The following RIMKLB variants were observed in gnomAD, a reference collection of about 807,000 sequenced individuals.
RIMKLB encodes beta-citrylglutamate synthase B.
In RIMKLB, 7 loss-of-function variants were observed where a neutral mutation model predicts 32.0. That is an observed-to-expected ratio of 0.22 (90% CI 0.12 to 0.41). The LOEUF (loss-of-function observed/expected upper bound fraction) is 0.41, where lower values mean the gene tolerates loss of function less well. Among genes scored for constraint, RIMKLB ranks in the 10% least tolerant of loss-of-function variants. The probability of loss-of-function intolerance (pLI) is 1.00; values close to 1 mark genes in which losing one functional copy is unlikely to be tolerated. For missense variants in RIMKLB, 289 were observed against 498.7 expected, an observed-to-expected ratio of 0.58 and a Z score of 4.00; for synonymous variants, 172 against 185.1, an observed-to-expected ratio of 0.93 and a Z score of 0.57.
intron 2 of RIMKLB, among the ~76,000 whole-genome samples, chr12:8,729,265 A>G (rs1305830497): frequency 6.6e-6 from 1 of 151,966 alleles, no homozygotes; most frequent in Non-Finnish European, 1.5e-5. Context: ...ATCAGGTCGC[A>G]TAAGTGAATT....
At chr12:8,739,294 G>C (rs1339473585) in intron 2 of RIMKLB, among the ~76,000 whole-genome samples, 2 of 152,122 alleles carry the variant, frequency 1.3e-5, no homozygotes, top group Admixed American at 6.5e-5. Context: ...AGAAGAGAGA[G>C]AGCACGTGCA....
intron 2 of RIMKLB, 22 bp from the exon 3 acceptor site, chr12:8,749,840 G>T (rs747519560): frequency 6.7e-7 from 1 of 1,484,038 alleles, no homozygotes; most frequent in South Asian, 1.2e-5. Flanking sequence ...AATTGTGTTG[G>T]TCTTGTATTT....
intron 1 of RIMKLB, among the ~76,000 whole-genome samples, chr12:8,708,450 A>C (rs1407172892): frequency 6.6e-6 from 1 of 152,162 alleles, no homozygotes; most frequent in Non-Finnish European, 1.5e-5. Context: ...TCTGTACAGA[A>C]TAGGTTGACA....
chr12:8,716,557 AT>A (rs773708083), intron 2 of RIMKLB, among the ~76,000 whole-genome samples: 6,512 of 95,864 alleles, frequency 0.068, 481 homozygotes, highest in African/African-American at 0.21. Context: ...TCATGGCTTC[AT>A]TTTTTTTTTT....
chr12:8,758,121 C>T (rs1949215435), intron 5 of RIMKLB, among the ~76,000 whole-genome samples: 1 of 152,064 alleles, frequency 6.6e-6, no homozygotes, highest in Admixed American at 6.6e-5. Context: ...TTTAATTTAT[C>T]TCTCACTGTT....
chr12:8,774,680 A>G lies in RIMKLB; in HGVS notation c.*896A>G. The G allele has an allele frequency of 1.0e-6, 1 of 985,406 alleles. No individual in the cohort carries two copies. The highest frequency in any genetic ancestry group is 5.2e-4 in the Middle Eastern group (1 of 1,914). The allele number at this position is 985,406 out of a possible 1,614,324, so 61.0% of individuals were successfully genotyped here. Reference sequence around the variant, plus strand: ...ATGCTACCTTTTTTGTTAACAAGACACTGACTTGAAACATGTACATTTAAA... The same window carrying G: ...ATGCTACCTTTTTTGTTAACAAGACGCTGACTTGAAACATGTACATTTAAA... On this transcript the variant is annotated 3_prime_UTR_variant, in exon 6 of 6. Coordinates refer to ENST00000535829, the MANE Select transcript of RIMKLB (RefSeq NM_001297776.2).
At position 8,775,348 on chromosome 12, in the gene RIMKLB, A is replaced by G; in HGVS notation, c.*1564A>G. On this transcript the variant is annotated 3_prime_UTR_variant, in exon 6 of 6. Coordinates refer to ENST00000535829, the MANE Select transcript of RIMKLB (RefSeq NM_001297776.2). Reference sequence around the variant, plus strand: ...ACTTGCAGAATTTATAAAAGCCCCCAAACTGCATATAATATGAGCCTTTAA... The same window carrying G: ...ACTTGCAGAATTTATAAAAGCCCCCGAACTGCATATAATATGAGCCTTTAA... 1 of 985,430 alleles carries G rather than the reference A, an allele frequency of 1.0e-6. No homozygotes were observed. The highest frequency in any genetic ancestry group is 1.2e-6 in the Non-Finnish European group (1 of 829,868). 61.0% of individuals were successfully genotyped at this position (985,430 alleles called of 1,614,324 possible). A position where few individuals can be genotyped will look rare whatever the true frequency, so the allele number is the denominator to read the frequency against.
At chr12:8,780,715 G>A (rs1950978112), downstream of RIMKLB, 1 of 152,152 alleles carries the variant, frequency 6.6e-6, no homozygotes, top group Admixed American at 6.5e-5. Flanking sequence ...ACAGGACTAA[G>A]ATTCCTGCAT....
chr12:8,732,714 C>G (rs1023375471), intron 2 of RIMKLB, among the ~76,000 whole-genome samples: 1 of 151,510 alleles, frequency 6.6e-6, no homozygotes, highest in Non-Finnish European at 1.5e-5. Context: ...AATATTCTTC[C>G]GGGGGAAAGC....
chr12:8,752,065 G>A (rs1376450958), intron 4 of RIMKLB, 22 bp downstream of exon 4: 1 of 1,466,886 alleles, frequency 6.8e-7, no homozygotes, highest in South Asian at 1.2e-5. Context: ...TTGTTGGTAA[G>A]GTATATAGTT....
In RIMKLB at chr12:8,698,308, C is replaced by A; in HGVS notation, c.-57+11C>A. The A allele has an allele frequency of 1.2e-5, 4 of 325,740 alleles. No homozygotes were observed. Among genetic ancestry groups the A allele is most frequent in the South Asian group, 4.1e-5 (2 of 48,384 alleles). The allele number at this position is 325,740 out of a possible 1,614,324, so 20.2% of individuals were successfully genotyped here. On this transcript the variant is annotated intron_variant, in intron 1 of 5. Coordinates refer to ENST00000535829, the MANE Select transcript of RIMKLB (RefSeq NM_001297776.2). ...AGCCCCCCGACCCAGGTGAGCGGTA[C>A]GACCGCTGTTGCCCTCGGGTGTAGA...
chr12:8,676,622 C>T (rs762571786), upstream of RIMKLB, among the ~76,000 whole-genome samples: 7 of 151,808 alleles, frequency 4.6e-5, no homozygotes, highest in Non-Finnish European at 1.0e-4. Context: ...TGGTCTTGAA[C>T]GCCTGGCCTC....
chr12:8,780,129 C>T (rs1273901162), downstream of RIMKLB: 3 of 152,164 alleles, frequency 2.0e-5, no homozygotes, highest in Non-Finnish European at 2.9e-5. Context: ...CACCTAACAC[C>T]CTTAGTTTCT....
intron 1 of RIMKLB, among the ~76,000 whole-genome samples, chr12:8,691,720 T>C (rs758362385): frequency 6.6e-6 from 1 of 152,316 alleles, no homozygotes; most frequent in East Asian, 1.9e-4. Flanking sequence ...CACATGAACT[T>C]AGACTACTGA....
At chr12:8,733,216 A>G (rs1946707777) in intron 2 of RIMKLB, among the ~76,000 whole-genome samples, 1 of 152,108 alleles carries the variant, frequency 6.6e-6, no homozygotes, top group African/African-American at 2.4e-5. Flanking sequence ...ACAGCCCCCA[A>G]CAACAAAGAA....
At chr12:8,728,181 T>G (rs182055641) in intron 2 of RIMKLB, among the ~76,000 whole-genome samples, 13 of 152,358 alleles carry the variant, frequency 8.5e-5, no homozygotes, top group Admixed American at 5.9e-4. Flanking sequence ...CTTTAGCCTA[T>G]AAATCACAGT....
chr12:8,713,112 G>A (rs1426894359), intron 1 of RIMKLB, among the ~76,000 whole-genome samples: 1 of 152,084 alleles, frequency 6.6e-6, no homozygotes, highest in African/African-American at 2.4e-5. Context: ...TTTATAGGAA[G>A]AATAAAAACA....
chr12:8,672,832 C>T, the RIMKLB span, among the ~76,000 whole-genome samples: 9 of 152,142 alleles, frequency 5.9e-5, no homozygotes, highest in South Asian at 2.1e-4. Flanking sequence ...TAAAAGCTTC[C>T]TGAGTTCTCA....
At chr12:8,703,522 A>G (rs986937354) in intron 1 of RIMKLB, among the ~76,000 whole-genome samples, 2 of 151,980 alleles carry the variant, frequency 1.3e-5, no homozygotes, top group Non-Finnish European at 2.9e-5. Context: ...TTTTGTAGAG[A>G]TGAGACCCCA....
Sources: allele counts gnomAD v4.1 joint callset (sites outside exome capture counted in the v4.1 genomes callset), GRCh38; gene constraint gnomAD v4.1.1; transcripts MANE v1.5; gene names NCBI Gene and HGNC (gene_info 2026-07-23, HGNC 2026-07-21).